MVP: variants seen among roughly 807,000 people sequenced by gnomAD.
MVP encodes lung resistance-related protein.
A neutral mutation model predicts 83.5 loss-of-function variants in MVP; 62 were observed. That is an observed-to-expected ratio of 0.74 (90% CI 0.61 to 0.92). The LOEUF (loss-of-function observed/expected upper bound fraction) is 0.92. MVP is among the 40% of genes least tolerant of loss of function. The pLI is 0.00. For missense variants in MVP, 1,000 were observed against 1,203.4 expected, an observed-to-expected ratio of 0.83 and a Z score of 2.50; for synonymous variants, 505 against 504.1, an observed-to-expected ratio of 1.00 and a Z score of -0.02.
At chr16:29,835,617 C>A in intron 5 of MVP, 87 bp from the exon 6 acceptor site, 1 of 1,081,192 alleles carries the variant, frequency 9.2e-7, no homozygotes, top group Admixed American at 2.1e-5. Flanking sequence ...TGAAATCTGT[C>A]AATCCCCTGT....
chr16:29,841,863 G>GT lies in MVP; in HGVS notation c.1436+24dup. 6.2e-7 allele frequency: 1 copy of GT among 1,609,296 alleles called. No individual in the cohort carries two copies. The highest frequency in any genetic ancestry group is 1.3e-5 in the African/African-American group (1 of 74,994). On this transcript the variant is annotated intron_variant, in intron 9 of 14. Coordinates refer to ENST00000357402, the MANE Select transcript of MVP (RefSeq NM_005115.5). The surrounding 1 kb of genome is among the most constrained non-coding windows in gnomAD (Gnocchi z 4.7). ...CCGGTGAGTGCTGGCAGCGCAGGGT[G>GT]TAGGGGGTGGCTCTCCATGGGTCTG...
Position 29,841,811 on chromosome 16 carries a change from G to A in MVP, c.1407G>A (p.Gln469=). 6.2e-7 allele frequency: 1 copy of A among 1,611,620 alleles called. No individual in the cohort carries two copies. The highest frequency in any genetic ancestry group is 2.2e-5 in the East Asian group (1 of 44,882). The change falls in exon 9 of 15, where the codon CAG becomes CAA. Residue 469 remains glutamine (Q), a synonymous_variant. Transcript: ENST00000357402. This position sits in a 1 kb window ranked among gnomAD's most constrained non-coding sequence, Gnocchi z 4.7. ...SYRVPHNAAV[Q]VYDYREKRAR... is the part of the protein sequence containing the mutation. ...GCGTGCCCCACAACGCTGCGGTGCA[G>A]GTGTACGACTACCGAGAGAAGCGAG...
chr16:29,847,522 T>C (rs2150762725), intron 14 of MVP, 137 bp downstream of exon 14: 1 of 920,274 alleles, frequency 1.1e-6, no homozygotes, highest in South Asian at 1.7e-5. Flanking sequence ...TGCAGGGACA[T>C]TCACACAGTG....
At chr16:29,845,129 A>G (rs1479155404) in intron 11 of MVP, among the ~76,000 whole-genome samples, 7 of 150,928 alleles carry the variant, frequency 4.6e-5, no homozygotes, top group Admixed American at 1.3e-4. Flanking sequence ...TTGAGGCTGC[A>G]GTGAGCCATG....
At chr16:29,837,729 G>A (rs1431540394) in intron 7 of MVP, among the ~76,000 whole-genome samples, 2 of 151,982 alleles carry the variant, frequency 1.3e-5, no homozygotes, top group Non-Finnish European at 2.9e-5. Flanking sequence ...ACTCTAGCCT[G>A]GGCGATAGAG....
rs1040456958 is a variant in MVP at position 29,838,384 on chromosome 16, C to A, written c.909+1426C>A. On this transcript the variant is annotated intron_variant, in intron 7 of 14. Transcript: ENST00000357402. The stretch of plus-strand genomic sequence containing the variant: ...CCGGGAGGCGGAGGTTGCAGTGAGC[C>A]GAGATCACACCACTGCACTCCAGCC... 2.0e-5 allele frequency among the ~76,000 whole-genome samples: 3 copies of A among 148,402 alleles called. No homozygotes were observed. In the South Asian group the frequency reaches 6.4e-4, roughly 31 times the overall value.
chr16:29,840,071 G>A lies in MVP; in HGVS notation c.910-107G>A, dbSNP rs531993192. On this transcript the variant is annotated intron_variant, in intron 7 of 14. Transcript: ENST00000357402. ...GTGGGGGTGGGGGCGGGCTTCTGGT[G>A]CTCTTGTCCTCCACACAGGCCTGAA... 4 of 1,228,176 alleles carry A rather than the reference G, an allele frequency of 3.3e-6. No homozygotes were observed. The East Asian group carries it at 7.1e-5, about 22-fold the overall frequency. 76.1% of individuals were successfully genotyped at this position (1,228,176 alleles called of 1,614,324 possible).
chr16:29,831,531 G>A (rs749763661), intron 3 of MVP: 3 of 449,188 alleles, frequency 6.7e-6, no homozygotes, highest in African/African-American at 6.0e-5. Flanking sequence ...CTCACCAAGG[G>A]TGGAATTGAC....
chr16:29,824,622 G>A (rs2067392577), intron 1 of MVP, among the ~76,000 whole-genome samples: 1 of 152,166 alleles, frequency 6.6e-6, no homozygotes, highest in South Asian at 2.1e-4. Context: ...GCCAGGCTTG[G>A]TGGCATGTGC....
intron 1 of MVP, among the ~76,000 whole-genome samples, chr16:29,827,956 A>G (rs1008099326): frequency 2.0e-5 from 3 of 152,106 alleles, no homozygotes; most frequent in African/African-American, 7.2e-5. Context: ...TGCATTAGCC[A>G]CATTTTATTT....
intron 1 of MVP, among the ~76,000 whole-genome samples, chr16:29,824,847 T>A (rs546132572): frequency 8.4e-4 from 128 of 152,148 alleles, no homozygotes; most frequent in Non-Finnish European, 1.4e-3. Flanking sequence ...ATTTATTAAG[T>A]TTTGCTGTAG....
At chr16:29,833,467 A>G (rs562236294) in intron 3 of MVP, 8 of 272,306 alleles carry the variant, frequency 2.9e-5, no homozygotes, top group South Asian at 2.2e-4. Flanking sequence ...GCCTGGCTAC[A>G]CTTTTTTTTT....
chr16:29,828,292 G>T (rs578110509), intron 1 of MVP, among the ~76,000 whole-genome samples: 1 of 152,174 alleles, frequency 6.6e-6, no homozygotes, highest in African/African-American at 2.4e-5. Flanking sequence ...GGAGCCACAT[G>T]TGGATGTGGC....
chr16:29,822,312 G>C (rs1323793933), intron 1 of MVP, among the ~76,000 whole-genome samples: 1 of 145,440 alleles, frequency 6.9e-6, no homozygotes, highest in African/African-American at 2.8e-5. Context: ...TCCTAAAACT[G>C]TGCTGCTTTA....
At chr16:29,847,415 A>G (rs1200391996) in intron 14 of MVP, 30 bp downstream of exon 14, 2 of 1,516,076 alleles carry the variant, frequency 1.3e-6, no homozygotes, top group Non-Finnish European at 1.8e-6. Context: ...TGTTGGTTTC[A>G]GGACCAACCT....
At chr16:29,847,588 G>A (rs192237107) in intron 14 of MVP, among the ~76,000 whole-genome samples, 174 bp from the exon 15 acceptor site, 123 of 152,258 alleles carry the variant, frequency 8.1e-4, no homozygotes, top group African/African-American at 2.6e-3. Context: ...CCAGAGCTCC[G>A]GAGGAGACAG....
At chr16:29,839,783 CAAAAAAAAAAAAA>C (rs71373206) in intron 7 of MVP, among the ~76,000 whole-genome samples, 2 of 47,368 alleles carry the variant, frequency 4.2e-5, no homozygotes, top group South Asian at 2.7e-3. Context: ...AAGACTATCT[CAAAAAAAAAAAAA>C]AAAAAAAAAA....
In MVP at chr16:29,847,253, G is replaced by A; in HGVS notation, c.2322G>A (p.Arg774=). The change falls in exon 14 of 15, where the codon CGG becomes CGA. Residue 774 remains arginine (R), a synonymous_variant. Transcript: ENST00000357402. ...GAGAGCTGGAACTGGTCTATGCCCG[G>A]GCCCAGCTGGAGCTGGAGGTGAGCA... The part of the protein sequence containing the change: ...KVRELELVYA[R]AQLELEVSKA... 6.2e-6 allele frequency: 10 copies of A among 1,613,732 alleles called. No homozygotes were observed. Among genetic ancestry groups the A allele is most frequent in the Non-Finnish European group, 6.8e-6 (8 of 1,179,996 alleles).
rs749112131 is a variant in MVP at position 29,847,817 on chromosome 16, C to T, written c.2510C>T (p.Thr837Ile). 3.1e-6 allele frequency: 5 copies of T among 1,614,256 alleles called. No homozygotes were observed. In the South Asian group the frequency reaches 3.3e-5, roughly 11 times the overall value. ...LKSTLITDGS[T>I]PINLFNTAFG... Reference sequence around the variant, plus strand: ...TCAACCCTCATCACCGATGGCTCCACTCCCATCAACCTCTTCAACACAGCC... The same window carrying T: ...TCAACCCTCATCACCGATGGCTCCATTCCCATCAACCTCTTCAACACAGCC... The change falls in exon 15 of 15, where the codon ACT becomes ATT. Residue 837 changes from threonine to isoleucine, a missense_variant. Thr to Ile is a moderately conservative substitution (Grantham distance 89, BLOSUM62 -1). Transcript: ENST00000357402.
Sources: allele counts gnomAD v4.1 joint callset (sites outside exome capture counted in the v4.1 genomes callset), GRCh38; gene constraint gnomAD v4.1.1; non-coding constraint Gnocchi (gnomAD v3.1); transcripts MANE v1.5; gene names NCBI Gene and HGNC (gene_info 2026-07-23, HGNC 2026-07-21).